DACH1: variants seen among roughly 807,000 people sequenced by gnomAD.
DACH1 encodes the protein dachshund homolog 1.
A neutral mutation model predicts 54.2 loss-of-function variants in DACH1; 12 were observed. The ratio of observed to expected loss-of-function variants is 0.22; its 90% confidence interval spans 0.14 to 0.36. The LOEUF (loss-of-function observed/expected upper bound fraction) is 0.36. DACH1 is among the 10% of genes least tolerant of loss of function. DACH1 has a pLI of 1.00. For missense variants in DACH1, 805 were observed against 929.8 expected (o/e 0.87, Z 1.75); for synonymous variants, 386 against 366.2 (o/e 1.05, Z -0.62).
chr13:71,758,400 GAAACA>G (rs1210244951), intron 1 of DACH1, among the ~76,000 whole-genome samples: 1 of 152,110 alleles, frequency 6.6e-6, no homozygotes, highest in African/African-American at 2.4e-5. Flanking sequence ...TGAGAACCTG[GAAACA>G]AAACAAGTTT....
chr13:71,549,608 A>C (rs1883678756), intron 6 of DACH1, among the ~76,000 whole-genome samples: 1 of 152,214 alleles, frequency 6.6e-6, no homozygotes, highest in Non-Finnish European at 1.5e-5. Flanking sequence ...TACTGGAGAT[A>C]TAATTGAGAA....
At chr13:71,522,394 C>T (rs199569026) in intron 6 of DACH1, among the ~76,000 whole-genome samples, 3 of 151,954 alleles carry the variant, frequency 2.0e-5, no homozygotes, top group African/African-American at 4.8e-5. Flanking sequence ...CCTACCACCA[C>T]GCCGCACCTC....
At chr13:71,638,368 T>A (rs1236384151) in intron 2 of DACH1, among the ~76,000 whole-genome samples, 2 of 152,162 alleles carry the variant, frequency 1.3e-5, no homozygotes, top group African/African-American at 2.4e-5. Flanking sequence ...GTGGCATTAA[T>A]ACGCAGTCCT....
intron 1 of DACH1, among the ~76,000 whole-genome samples, chr13:71,761,376 G>T (rs555189106): frequency 3.3e-5 from 5 of 152,276 alleles, no homozygotes; most frequent in Non-Finnish European, 5.9e-5. Context: ...GGGAGTCCAT[G>T]TTATGCAATA....
At chr13:71,590,880 T>TC (rs1873660729) in intron 3 of DACH1, among the ~76,000 whole-genome samples, 1 of 138,404 alleles carries the variant, frequency 7.2e-6, no homozygotes, top group Non-Finnish European at 1.6e-5. Context: ...TCTTTCTTTT[T>TC]TTTTTTTTTT....
intron 4 of DACH1, 111 bp from the exon 5 acceptor site, chr13:71,560,066 C>G (rs1884493544): frequency 1.7e-6 from 2 of 1,195,070 alleles, no homozygotes; most frequent in Non-Finnish European, 2.2e-6. Flanking sequence ...AGAGAATAAA[C>G]ACTTTACTTC....
chr13:71,573,244 C>T (rs73521268), intron 3 of DACH1, among the ~76,000 whole-genome samples: 192 of 152,188 alleles, frequency 1.3e-3, no homozygotes, highest in African/African-American at 4.5e-3. Flanking sequence ...CAATTCTTTG[C>T]TATATTATTC....
chr13:71,695,237 C>T (rs951467694), intron 1 of DACH1, among the ~76,000 whole-genome samples: 8 of 152,130 alleles, frequency 5.3e-5, no homozygotes, highest in African/African-American at 1.9e-4. Context: ...AGTCCAGGAC[C>T]TTAGATCTGA....
chr13:71,484,550 C>A (rs1224510385), intron 7 of DACH1, among the ~76,000 whole-genome samples: 1 of 152,130 alleles, frequency 6.6e-6, no homozygotes, highest in Non-Finnish European at 1.5e-5. Flanking sequence ...CTATAGTGAA[C>A]CAAACTCCAA....
At chr13:71,763,973 T>C (rs1416402215) in intron 1 of DACH1, among the ~76,000 whole-genome samples, 1 of 152,200 alleles carries the variant, frequency 6.6e-6, no homozygotes, top group Non-Finnish European at 1.5e-5. Context: ...ATTTGTTGAA[T>C]ATCAACTTGT....
chr13:71,840,547 A>T (rs952558262), intron 1 of DACH1, among the ~76,000 whole-genome samples: 8 of 152,194 alleles, frequency 5.3e-5, no homozygotes, highest in Non-Finnish European at 8.8e-5. Flanking sequence ...TCCATGAAAA[A>T]TAACATTTTT....
intron 2 of DACH1, among the ~76,000 whole-genome samples, chr13:71,660,944 A>T (rs1157852980): frequency 6.6e-6 from 1 of 150,850 alleles, no homozygotes; most frequent in Middle Eastern, 3.6e-3. Flanking sequence ...CACTCTTTAG[A>T]GAGTATTATG....
rs1873671597 is a variant in DACH1 at position 71,438,080 on chromosome 13, G to C, written c.*2575C>G. The C allele has an allele frequency of 1.3e-5, 2 of 152,320 alleles. No homozygotes were observed. Among genetic ancestry groups the C allele is most frequent in the Non-Finnish European group, 2.9e-5 (2 of 67,810 alleles). 9.4% of individuals were successfully genotyped at this position (152,320 alleles called of 1,614,324 possible). The stretch of plus-strand genomic sequence containing the variant: ...AGGCTCAAATAACTAGGCTACCATA[G>C]AAAAATTTCCAATTCTTGCATTATG... On this transcript the variant is annotated 3_prime_UTR_variant, in exon 11 of 11. Coordinates refer to ENST00000613252, the MANE Select transcript of DACH1 (RefSeq NM_080759.6).
rs760285001 is a variant in DACH1 at position 71,549,939 on chromosome 13, A to C, written c.1570+7085T>G. Among the ~76,000 whole-genome samples the C allele has an allele frequency of 4.4e-4, 67 of 152,292 alleles. 1 individual carries two copies. Among genetic ancestry groups the C allele is most frequent in the Non-Finnish European group, 6.6e-4 (45 of 68,014 alleles). ...CATTGAAATTGTATTAAATAAATAA[A>C]GATTATTTTTAATACAATCATTGAC... On this transcript the variant is annotated intron_variant, in intron 6 of 10. Coordinates refer to ENST00000613252, the MANE Select transcript of DACH1 (RefSeq NM_080759.6).
intron 3 of DACH1, among the ~76,000 whole-genome samples, chr13:71,589,064 C>A: frequency 6.6e-6 from 1 of 151,966 alleles, no homozygotes; most frequent in East Asian, 1.9e-4. Flanking sequence ...AGGCTGCCTT[C>A]TCTGCACTCA....
chr13:71,772,551 C>T (rs973821703), intron 1 of DACH1, among the ~76,000 whole-genome samples: 3 of 151,680 alleles, frequency 2.0e-5, no homozygotes, highest in African/African-American at 7.2e-5. Context: ...AATCTCCTAG[C>T]GTTTCACACT....
intron 1 of DACH1, among the ~76,000 whole-genome samples, chr13:71,819,283 T>C (rs896524263): frequency 6.6e-6 from 1 of 152,338 alleles, no homozygotes; most frequent in Middle Eastern, 3.4e-3. Context: ...GATATCCAGC[T>C]GGCACTTTGC....
At chr13:71,800,002 T>C (rs1887226048) in intron 1 of DACH1, among the ~76,000 whole-genome samples, 1 of 151,934 alleles carries the variant, frequency 6.6e-6, no homozygotes, top group South Asian at 2.1e-4. Context: ...GGGTGGGGAG[T>C]GAACTCTTTG....
At chr13:71,566,047 GA>G (rs1239631833) in intron 4 of DACH1, among the ~76,000 whole-genome samples, 2 of 151,960 alleles carry the variant, frequency 1.3e-5, no homozygotes, top group South Asian at 2.1e-4. Context: ...GAACAGCAAG[GA>G]AAAAAAGGTA....
Sources: allele counts gnomAD v4.1 joint callset (sites outside exome capture counted in the v4.1 genomes callset), GRCh38; gene constraint gnomAD v4.1.1; transcripts MANE v1.5; gene names NCBI Gene and HGNC (gene_info 2026-07-23, HGNC 2026-07-21).